The following SOX6 variants were observed in gnomAD, a reference collection of about 807,000 sequenced individuals.
SOX6 encodes SRY-box transcription factor 6.
In SOX6, 11 loss-of-function variants were observed where a neutral mutation model predicts 97.8. The ratio of observed to expected loss-of-function variants is 0.11; its 90% confidence interval spans 0.07 to 0.19. SOX6 has a LOEUF of 0.19. Ranked by LOEUF, SOX6 falls within the 10% of genes least tolerant of loss-of-function variation. The pLI, the probability that SOX6 is intolerant of heterozygous loss-of-function variation, is 1.00. For synonymous variants in SOX6, 360 were observed against 371.4 expected, an observed-to-expected ratio of 0.97 and a Z score of 0.35; for missense variants, 810 against 1,039.5, an observed-to-expected ratio of 0.78 and a Z score of 3.04.
chr11:16,444,755 G>A (rs999145897), intron 1 of SOX6, among the ~76,000 whole-genome samples: 7 of 150,532 alleles, frequency 4.7e-5, no homozygotes, highest in African/African-American at 1.7e-4. Context: ...TATTTAATAA[G>A]AGGTTAAAGA....
upstream of SOX6, among the ~76,000 whole-genome samples, chr11:16,477,584 C>G (rs911016015): frequency 4.6e-5 from 7 of 152,178 alleles, no homozygotes; most frequent in Non-Finnish European, 1.0e-4. Context: ...GGTGCAGTGG[C>G]TCACGCCTGT....
chr11:16,014,862 A>G lies in SOX6; in HGVS notation c.1732+80T>C. On this transcript the variant is annotated intron_variant, in intron 13 of 15. Transcript: ENST00000683767. ...CTAGTGATGACTCCTATGAAAAACT[A>G]TAAAGATCCTATATCTAGCTCAGAC... 10 of 1,345,140 alleles carry G rather than the reference A, an allele frequency of 7.4e-6. 1 individual carries two copies. The South Asian group carries it at 1.1e-4, about 15-fold the overall frequency. The allele number at this position is 1,345,140 out of a possible 1,614,324, so 83.3% of individuals were successfully genotyped here.
rs148797321 is a variant in SOX6, at chr11:15,969,220, C to A, written c.*3589G>T. Reference sequence around the variant, plus strand: ...GAAGATACTATGAAATAGGGAGCACCGCAAAAACAAAGTTGCTTAACATTC... The same window carrying A: ...GAAGATACTATGAAATAGGGAGCACAGCAAAAACAAAGTTGCTTAACATTC... On this transcript the variant is annotated 3_prime_UTR_variant, in exon 16 of 16. Transcript: ENST00000683767. 3.3e-5 allele frequency: 5 copies of A among 151,820 alleles called. No individual in the cohort carries two copies. Among genetic ancestry groups the A allele is most frequent in the African/African-American group, 1.2e-4 (5 of 41,318 alleles). 9.4% of individuals were successfully genotyped at this position (151,820 alleles called of 1,614,324 possible).
chr11:16,552,922 T>C (rs1249289058), intron 4 of SOX6, among the ~76,000 whole-genome samples: 1 of 152,210 alleles, frequency 6.6e-6, no homozygotes, highest in Non-Finnish European at 1.5e-5. Context: ...GTATAATACC[T>C]ATCTTGAAGT....
chr11:16,091,625 T>C (rs979152661), intron 9 of SOX6, among the ~76,000 whole-genome samples: 1 of 152,070 alleles, frequency 6.6e-6, no homozygotes, highest in African/African-American at 2.4e-5. Context: ...TATTCATTTT[T>C]GCAAAAACTT....
chr11:16,192,784 C>CT (rs34652321), intron 4 of SOX6, among the ~76,000 whole-genome samples: 3 of 151,922 alleles, frequency 2.0e-5, no homozygotes, highest in South Asian at 4.2e-4. Flanking sequence ...ATTTAAAAGC[C>CT]TTTTTTTACA....
At chr11:16,122,898 C>T (rs1359578478) in intron 6 of SOX6, among the ~76,000 whole-genome samples, 1 of 152,026 alleles carries the variant, frequency 6.6e-6, no homozygotes, top group Non-Finnish European at 1.5e-5. Context: ...TCATCATTTA[C>T]AGTTCTTCAA....
At chr11:16,381,299 G>A (rs1017738393) in intron 1 of SOX6, among the ~76,000 whole-genome samples, 2 of 151,956 alleles carry the variant, frequency 1.3e-5, no homozygotes, top group Admixed American at 6.6e-5. Context: ...AAAAGAACTG[G>A]GGACCAAATT....
At chr11:16,235,816 T>TA (rs908942918) in intron 3 of SOX6, among the ~76,000 whole-genome samples, 13 of 152,206 alleles carry the variant, frequency 8.5e-5, no homozygotes, top group African/African-American at 2.6e-4. Context: ...AGAAGCTAGA[T>TA]AAGCTTCAGA....
Position 16,049,930 on chromosome 11 carries a change from T to A in SOX6, c.1260A>T (p.Ala420=). 6.2e-7 allele frequency: 1 copy of A among 1,613,748 alleles called. No individual in the cohort carries two copies. Among genetic ancestry groups the A allele is most frequent in the Non-Finnish European group, 8.5e-7 (1 of 1,179,744 alleles). ...ATGAGAGATTCAGAGGCTGTGCTGC[T>A]GCTTCATCCTACAAGAGTTTAACGT... The part of the protein sequence containing the change: ...TSPVTQVKDE[A]AAQPLNLSSR... Residue 420 remains alanine (A), a synonymous_variant, in exon 11 of 16, where the codon GCA becomes GCT. Transcript: ENST00000683767.
chr11:16,718,422 C>T (rs1159898842), intron 2 of SOX6, among the ~76,000 whole-genome samples: 2 of 152,126 alleles, frequency 1.3e-5, no homozygotes, highest in Non-Finnish European at 2.9e-5. Flanking sequence ...AAAATAATAA[C>T]ATGTCACCTG....
At chr11:16,155,987 G>C (rs1468060988) in intron 6 of SOX6, among the ~76,000 whole-genome samples, 1 of 151,888 alleles carries the variant, frequency 6.6e-6, no homozygotes, top group Non-Finnish European at 1.5e-5. Flanking sequence ...TCCCAATCTT[G>C]TATGCTTTTT....
chr11:16,054,296 T>C (rs964705009), intron 10 of SOX6, among the ~76,000 whole-genome samples: 40 of 151,530 alleles, frequency 2.6e-4, no homozygotes, highest in African/African-American at 8.8e-4. Context: ...CAACTACGAG[T>C]AAGCAAAGTG....
intron 4 of SOX6, among the ~76,000 whole-genome samples, chr11:16,509,490 A>T (rs2133150097): frequency 6.6e-6 from 1 of 152,164 alleles, no homozygotes; most frequent in Middle Eastern, 3.4e-3. Flanking sequence ...TCTAAGCATA[A>T]TGGAAACACC....
chr11:16,251,782 T>A (rs1420611966), intron 3 of SOX6, among the ~76,000 whole-genome samples: 6 of 152,144 alleles, frequency 3.9e-5, no homozygotes, highest in South Asian at 2.1e-4. Context: ...ATCTCCGTCA[T>A]AATCATAGAT....
At chr11:16,347,209 AATT>A (rs1249367699) in intron 1 of SOX6, among the ~76,000 whole-genome samples, 1 of 152,080 alleles carries the variant, frequency 6.6e-6, no homozygotes, top group Non-Finnish European at 1.5e-5. Flanking sequence ...GAAAACCTAT[AATT>A]ATTAAGTGTC....
chr11:16,343,973 G>A (rs1379056890), intron 1 of SOX6, among the ~76,000 whole-genome samples: 1 of 151,920 alleles, frequency 6.6e-6, no homozygotes, highest in South Asian at 2.1e-4. Context: ...AGAGGAAAAG[G>A]AGACAGGGGA....
At chr11:16,084,965 G>A (rs948874455) in intron 9 of SOX6, among the ~76,000 whole-genome samples, 1 of 152,154 alleles carries the variant, frequency 6.6e-6, no homozygotes, top group African/African-American at 2.4e-5. Flanking sequence ...ATTGATAAAT[G>A]AACGGAGAAG....
intron 3 of SOX6, among the ~76,000 whole-genome samples, chr11:16,616,434 G>T (rs1848472330): frequency 6.6e-6 from 1 of 151,804 alleles, no homozygotes; most frequent in African/African-American, 2.4e-5. Context: ...ATCTTCTTTG[G>T]AATCCCATAC....
Sources: gnomAD v4.1 joint callset for allele counts (sites outside exome capture counted in the v4.1 genomes callset) on GRCh38, gnomAD v4.1.1 for gene constraint, MANE v1.5 for transcripts, NCBI Gene and HGNC (gene_info 2026-07-23, HGNC 2026-07-21) for gene names.